CCBE1: variants seen among roughly 807,000 people sequenced by gnomAD.
CCBE1 encodes the protein collagen and calcium binding EGF domains 1.
Under a neutral mutation model 50.0 loss-of-function variants are expected in CCBE1, and 37 were observed. That is an observed-to-expected ratio of 0.74 (90% CI 0.57 to 0.97). The LOEUF (loss-of-function observed/expected upper bound fraction) is 0.97. CCBE1 is among the 50% of genes least tolerant of loss of function. The probability of loss-of-function intolerance (pLI) is 0.00; values close to 1 mark genes in which losing one functional copy is unlikely to be tolerated. For missense variants in CCBE1, 538 were observed against 523.8 expected, an observed-to-expected ratio of 1.03 and a Z score of -0.26; for synonymous variants, 234 against 203.7, an observed-to-expected ratio of 1.15 and a Z score of -1.27.
At chr18:59,586,452 T>C (rs983795590) in intron 2 of CCBE1, among the ~76,000 whole-genome samples, 4 of 152,212 alleles carry the variant, frequency 2.6e-5, no homozygotes, top group African/African-American at 9.7e-5. Flanking sequence ...CCACTGTGTT[T>C]AGCTTCAACA....
intron 2 of CCBE1, among the ~76,000 whole-genome samples, chr18:59,669,724 C>T (rs58442952): frequency 0.011 from 1,715 of 152,296 alleles, 42 homozygotes; most frequent in African/African-American, 0.039. Flanking sequence ...CATCTCTCCC[C>T]GAACTTCCGG....
At chr18:59,513,317 AAAAC>A (rs909517678) in intron 2 of CCBE1, among the ~76,000 whole-genome samples, 5 of 77,916 alleles carry the variant, frequency 6.4e-5, no homozygotes, top group Admixed American at 4.9e-4. Context: ...AAAACAAAAC[AAAAC>A]AAAAAAATTC....
At chr18:59,479,199 G>T (rs1912451981) in intron 3 of CCBE1, among the ~76,000 whole-genome samples, 1 of 152,150 alleles carries the variant, frequency 6.6e-6, no homozygotes, top group Admixed American at 6.5e-5. Context: ...CCCTGAACAA[G>T]CTTAACCTCA....
At chr18:59,655,085 C>CAAAAA (rs10646215) in intron 2 of CCBE1, among the ~76,000 whole-genome samples, 19 of 122,700 alleles carry the variant, frequency 1.5e-4, no homozygotes, top group South Asian at 8.4e-4. Flanking sequence ...GAGACTATGT[C>CAAAAA]AAAAAAAAAA....
At position 59,433,566 on chromosome 18, in the gene CCBE1, GGAA is replaced by G. The variant is rs1401963687; in HGVS notation, c.*2339_*2341del. 2.0e-5 allele frequency: 3 copies of G among 151,852 alleles called. No homozygotes were observed. The highest frequency in any genetic ancestry group is 3.4e-3 in the Middle Eastern group (1 of 294). 9.4% of individuals were successfully genotyped at this position (151,852 alleles called of 1,614,324 possible). A position where few individuals can be genotyped will look rare whatever the true frequency, so the allele number is the denominator to read the frequency against. Reference sequence around the variant, plus strand: ...CAAAGCCCCTTCCTAACATTCTTAAGGAAGAAGACTGAAAGGTGGCATTCAAAC... The same window carrying G: ...CAAAGCCCCTTCCTAACATTCTTAAGGAAGACTGAAAGGTGGCATTCAAAC... On this transcript the variant is annotated 3_prime_UTR_variant, in exon 11 of 11. Transcript: ENST00000439986.
At chr18:59,614,204 C>T (rs1213719964) in intron 2 of CCBE1, among the ~76,000 whole-genome samples, 1 of 152,148 alleles carries the variant, frequency 6.6e-6, no homozygotes, top group African/African-American at 2.4e-5. Flanking sequence ...AGGGTTTCAC[C>T]ATGCCGGCCC....
chr18:59,596,699 A>G (rs556106877), intron 2 of CCBE1, among the ~76,000 whole-genome samples: 30 of 152,338 alleles, frequency 2.0e-4, no homozygotes, highest in Non-Finnish European at 1.6e-4. Flanking sequence ...AGACAGCAAG[A>G]GTCCTGAGAA....
At chr18:59,680,077 C>T (rs528428905) in intron 2 of CCBE1, among the ~76,000 whole-genome samples, 5 of 152,080 alleles carry the variant, frequency 3.3e-5, no homozygotes, top group South Asian at 4.2e-4. Context: ...AAAAATCAGC[C>T]GGGCATGGTG....
chr18:59,525,957 T>C (rs1568187188), intron 2 of CCBE1, among the ~76,000 whole-genome samples: 1 of 152,230 alleles, frequency 6.6e-6, no homozygotes, highest in Non-Finnish European at 1.5e-5. Flanking sequence ...GTGTCTGTTT[T>C]TGTACCAGTA....
At chr18:59,495,608 C>CT (rs572061962) in intron 2 of CCBE1, among the ~76,000 whole-genome samples, 3,427 of 138,242 alleles carry the variant, frequency 0.025, 101 homozygotes, top group African/African-American at 0.069. Flanking sequence ...GGGTGCTTGC[C>CT]TTTTTTTTTT....
chr18:59,618,359 A>G (rs2053665127), intron 2 of CCBE1, among the ~76,000 whole-genome samples: 2 of 152,142 alleles, frequency 1.3e-5, no homozygotes, highest in Admixed American at 6.5e-5. Context: ...GAGATGTAAA[A>G]TGTAGAGTAG....
chr18:59,464,435 C>G (rs1450321861), intron 5 of CCBE1, among the ~76,000 whole-genome samples: 1 of 152,094 alleles, frequency 6.6e-6, no homozygotes, highest in Non-Finnish European at 1.5e-5. Flanking sequence ...GACTCTGTCT[C>G]AAAAACAAAA....
intron 2 of CCBE1, among the ~76,000 whole-genome samples, chr18:59,656,417 G>A (rs183002621): frequency 1.3e-5 from 2 of 152,208 alleles, no homozygotes; most frequent in Non-Finnish European, 2.9e-5. Context: ...TCTTAGGAGA[G>A]CAACTATTCA....
intron 2 of CCBE1, among the ~76,000 whole-genome samples, chr18:59,520,767 A>T (rs191200739): frequency 1.3e-5 from 2 of 152,358 alleles, no homozygotes; most frequent in East Asian, 3.9e-4. Context: ...AGTTGAGCTG[A>T]ATTTGGCTGA....
intron 2 of CCBE1, among the ~76,000 whole-genome samples, chr18:59,501,223 G>T (rs1383829667): frequency 6.6e-6 from 1 of 152,210 alleles, no homozygotes; most frequent in African/African-American, 2.4e-5. Flanking sequence ...CGGCTGGGAC[G>T]TCAAGTCGAT....
chr18:59,612,727 C>T (rs75674213), intron 2 of CCBE1, among the ~76,000 whole-genome samples: 3,550 of 152,116 alleles, frequency 0.023, 52 homozygotes, highest in Non-Finnish European at 0.031. Context: ...CAATGGGAGC[C>T]GCCCCATGCA....
At chr18:59,625,707 TC>T (rs1317909498) in intron 2 of CCBE1, among the ~76,000 whole-genome samples, 7 of 129,036 alleles carry the variant, frequency 5.4e-5, no homozygotes. Flanking sequence ...ATTCTGTAGT[TC>T]TAAAATCAAT....
In CCBE1 at chr18:59,692,303, C is replaced by G. The variant is rs1018426143; in HGVS notation, c.212+4326G>C. Among the ~76,000 whole-genome samples, 3 of 152,296 alleles carry G rather than the reference C, an allele frequency of 2.0e-5. No individual in the cohort carries two copies. The East Asian group carries it at 5.8e-4, about 29-fold the overall frequency. ...AAAGCATTTTACATGTATTAAGGCA[C>G]AATCCTCACAGCAGCCCTATAGTTT... is the stretch of plus-strand genomic sequence containing the variant. On this transcript the variant is annotated intron_variant, in intron 2 of 10. Transcript: ENST00000439986.
intron 2 of CCBE1, among the ~76,000 whole-genome samples, chr18:59,566,286 C>G (rs1282632102): frequency 2.0e-5 from 3 of 152,080 alleles, no homozygotes; most frequent in Non-Finnish European, 2.9e-5. Flanking sequence ...AAATAAAGTC[C>G]CTGGGTCAGT....
Sources: gnomAD v4.1 joint callset for allele counts (sites outside exome capture counted in the v4.1 genomes callset) on GRCh38, gnomAD v4.1.1 for gene constraint, MANE v1.5 for transcripts, NCBI Gene and HGNC (gene_info 2026-07-23, HGNC 2026-07-21) for gene names.